The following NTM variants were observed in gnomAD, a reference collection of about 807,000 sequenced individuals.
NTM encodes IgLON family member 2.
Under a neutral mutation model 42.1 loss-of-function variants are expected in NTM, and 13 were observed. The observed-to-expected ratio is 0.31, with a 90% CI of 0.20 to 0.49. NTM has a LOEUF of 0.49. Ranked by LOEUF, NTM falls within the 20% of genes least tolerant of loss-of-function variation. The pLI, the probability that NTM is intolerant of heterozygous loss-of-function variation, is 0.99. For missense variants in NTM, 373 were observed against 452.8 expected, an observed-to-expected ratio of 0.82 and a Z score of 1.60; for synonymous variants, 187 against 179.2, an observed-to-expected ratio of 1.04 and a Z score of -0.35.
chr11:131,953,092 G>A (rs1003826552), intron 2 of NTM, among the ~76,000 whole-genome samples: 2 of 152,254 alleles, frequency 1.3e-5, no homozygotes, highest in African/African-American at 4.8e-5. Context: ...CCGTGTTCAA[G>A]TTCCTCCAGC....
intron 1 of NTM, among the ~76,000 whole-genome samples, chr11:131,873,327 C>T (rs1245434040): frequency 6.7e-6 from 1 of 149,706 alleles, no homozygotes; most frequent in Non-Finnish European, 1.5e-5. Context: ...CACATGGACA[C>T]AGGGTAGGGA....
intron 2 of NTM, among the ~76,000 whole-genome samples, chr11:132,104,196 G>A (rs1368845388): frequency 1.3e-5 from 2 of 152,132 alleles, no homozygotes. Context: ...AAGAGCTGGG[G>A]CATCTTTATG....
intron 1 of NTM, among the ~76,000 whole-genome samples, chr11:131,664,753 G>GTTT (rs199824869): frequency 1.0e-3 from 116 of 112,872 alleles, no homozygotes; most frequent in African/African-American, 3.5e-3. Flanking sequence ...CTCTTCCATT[G>GTTT]TTTTTTTTTT....
chr11:132,124,121 G>A (rs1366935754), intron 2 of NTM, among the ~76,000 whole-genome samples: 1 of 152,132 alleles, frequency 6.6e-6, no homozygotes, highest in Non-Finnish European at 1.5e-5. Context: ...CATAGTGCCT[G>A]GCACACTCCA....
At chr11:132,327,111 G>A (rs1377663951) in intron 7 of NTM, among the ~76,000 whole-genome samples, 1 of 152,114 alleles carries the variant, frequency 6.6e-6, no homozygotes, top group African/African-American at 2.4e-5. Flanking sequence ...TTAATATTTG[G>A]TGGTGCAGGA....
Position 131,788,922 on chromosome 11 carries a change from C to T in NTM, c.83-122642C>T, listed in dbSNP as rs573239198. 1.4e-3 allele frequency among the ~76,000 whole-genome samples: 212 copies of T among 152,284 alleles called. 1 individual carries two copies. Among genetic ancestry groups the T allele is most frequent in the African/African-American group, 4.6e-3 (191 of 41,548 alleles). On this transcript the variant is annotated intron_variant, in intron 1 of 8. Transcript: ENST00000683400. ...AAGATAGGCGCTTACTTCTCACCCT[C>T]GTTTCTTCTTCCTCACCCCTCCCTC...
chr11:131,911,881 C>T (rs959319508), intron 2 of NTM, among the ~76,000 whole-genome samples: 4 of 152,156 alleles, frequency 2.6e-5, no homozygotes, highest in African/African-American at 4.8e-5. Context: ...CTCTGCGGCT[C>T]AGGCACTTGT....
At chr11:132,079,512 G>T (rs1207988210) in intron 2 of NTM, among the ~76,000 whole-genome samples, 2 of 152,128 alleles carry the variant, frequency 1.3e-5, no homozygotes, top group Non-Finnish European at 2.9e-5. Context: ...TCCAGTGATG[G>T]AAAAAGTCCC....
chr11:132,002,290 G>T lies in NTM; in HGVS notation c.167+90642G>T, dbSNP rs1184871835. Among the ~76,000 whole-genome samples the T allele has an allele frequency of 6.6e-6, 1 of 152,290 alleles. No individual in the cohort carries two copies. The highest frequency in any genetic ancestry group is 2.4e-5 in the African/African-American group (1 of 41,552). The stretch of plus-strand genomic sequence containing the variant: ...GGCAGCTTTACTGTACAAAAGCGAT[G>T]AAATTTAATAATTATTTAGTTATTT... On this transcript the variant is annotated intron_variant, in intron 2 of 8. Coordinates refer to ENST00000683400, the MANE Select transcript of NTM (RefSeq NM_001352005.2). This position sits in a 1 kb window ranked among gnomAD's most constrained non-coding sequence, Gnocchi z 4.5.
intron 1 of NTM, among the ~76,000 whole-genome samples, chr11:131,632,913 T>TCAC: frequency 6.8e-6 from 1 of 147,350 alleles, no homozygotes. Context: ...GACCTCGTGA[T>TCAC]CCGCCCATCT....
intron 2 of NTM, among the ~76,000 whole-genome samples, chr11:131,917,716 C>G (rs1165818715): frequency 6.6e-6 from 1 of 152,166 alleles, no homozygotes; most frequent in Non-Finnish European, 1.5e-5. Flanking sequence ...ACTCAGGAGG[C>G]CTGTGCTGCT....
At chr11:131,986,240 T>C (rs2066049266) in intron 2 of NTM, among the ~76,000 whole-genome samples, 1 of 152,176 alleles carries the variant, frequency 6.6e-6, no homozygotes, top group African/African-American at 2.4e-5. Flanking sequence ...CCTAGGGATA[T>C]GTCTCTGCTG....
At chr11:131,841,493 C>A (rs1186990274) in intron 1 of NTM, among the ~76,000 whole-genome samples, 1 of 152,152 alleles carries the variant, frequency 6.6e-6, no homozygotes, top group Non-Finnish European at 1.5e-5. Context: ...ATCACTTGGG[C>A]AATTTTAAAA....
intron 1 of NTM, among the ~76,000 whole-genome samples, chr11:131,474,506 G>C (rs574107816): frequency 4.0e-4 from 61 of 152,164 alleles, no homozygotes; most frequent in African/African-American, 1.4e-3. Flanking sequence ...GAGTCACCTG[G>C]ATGGTTCCCA....
chr11:132,133,619 T>A (rs1280131759), intron 2 of NTM, among the ~76,000 whole-genome samples: 2 of 152,140 alleles, frequency 1.3e-5, no homozygotes, highest in East Asian at 3.9e-4. Flanking sequence ...CACACAGCCC[T>A]CCCTGCCAGC....
chr11:131,605,763 A>G, intron 1 of NTM: 1 of 982,818 alleles, frequency 1.0e-6, no homozygotes, highest in South Asian at 4.7e-5. Context: ...TGAAAAAAAT[A>G]AATAAAGGTG....
intron 1 of NTM, among the ~76,000 whole-genome samples, chr11:131,730,969 C>T (rs1290027236): frequency 6.6e-6 from 1 of 152,194 alleles, no homozygotes; most frequent in Admixed American, 6.5e-5. Flanking sequence ...AGTTAGAGGG[C>T]TGTTGCCCAA....
intron 1 of NTM, among the ~76,000 whole-genome samples, chr11:131,866,445 A>G (rs12800925): frequency 0.071 from 10,743 of 152,314 alleles, 418 homozygotes; most frequent in South Asian, 0.1. Flanking sequence ...GGCCTTAGGC[A>G]CGGGGACCTG....
chr11:132,198,019 C>T (rs541826508), intron 3 of NTM, among the ~76,000 whole-genome samples: 31 of 152,156 alleles, frequency 2.0e-4, no homozygotes, highest in South Asian at 1.7e-3. Flanking sequence ...TACCCAGTAA[C>T]GGGATGGCTG....
Sources: gnomAD v4.1 joint callset for allele counts (sites outside exome capture counted in the v4.1 genomes callset) on GRCh38, gnomAD v4.1.1 for gene constraint, Gnocchi (gnomAD v3.1) non-coding constraint, MANE v1.5 for transcripts, NCBI Gene and HGNC (gene_info 2026-07-23, HGNC 2026-07-21) for gene names.